PTPRG: variants seen among roughly 807,000 people sequenced by gnomAD.
PTPRG encodes protein tyrosine phosphatase receptor type G, also known as receptor-type tyrosine-protein phosphatase gamma.
A neutral mutation model predicts 165.3 loss-of-function variants in PTPRG; 102 were observed. That is an observed-to-expected ratio of 0.62 (90% confidence interval 0.53 to 0.73). The LOEUF is 0.73. Ranked by LOEUF, PTPRG falls within the 30% of genes least tolerant of loss-of-function variation. The probability of loss-of-function intolerance (pLI) is 0.00; values close to 1 mark genes in which losing one functional copy is unlikely to be tolerated. For missense variants in PTPRG, 1,866 were observed against 1,861.4 expected, an observed-to-expected ratio of 1.00 and a Z score of -0.05; for synonymous variants, 675 against 669.5, an observed-to-expected ratio of 1.01 and a Z score of -0.13.
chr3:62,212,503 T>G (rs977843390), intron 12 of PTPRG, among the ~76,000 whole-genome samples: 1 of 152,178 alleles, frequency 6.6e-6, no homozygotes, highest in African/African-American at 2.4e-5. Flanking sequence ...TAAACCATGA[T>G]TTTTACTTTC....
In PTPRG at chr3:61,661,223, C is replaced by T. The variant is rs544648777; in HGVS notation, c.86-87655C>T. On this transcript the variant is annotated intron_variant, in intron 1 of 29. Transcript: ENST00000474889. ...GAGTAGCTAGGACTACAAGTGCATGCCACTAGCCCAGGCTCCCCTCACTTA... is the reference window on the plus strand; with the variant it reads ...GAGTAGCTAGGACTACAAGTGCATGTCACTAGCCCAGGCTCCCCTCACTTA... Among the ~76,000 whole-genome samples, 8 of 152,182 alleles carry T rather than the reference C, an allele frequency of 5.3e-5. No individual in the cohort carries two copies. In the South Asian group the frequency reaches 1.7e-3, roughly 32 times the overall value.
At chr3:61,669,198 T>C (rs887247047) in intron 1 of PTPRG, among the ~76,000 whole-genome samples, 7 of 152,140 alleles carry the variant, frequency 4.6e-5, no homozygotes, top group African/African-American at 1.4e-4. Flanking sequence ...AAATAAAAAG[T>C]ATGAGCAGAA....
At chr3:62,169,309 A>G (rs905207885) in intron 8 of PTPRG, among the ~76,000 whole-genome samples, 2 of 152,158 alleles carry the variant, frequency 1.3e-5, no homozygotes, top group African/African-American at 2.4e-5. Flanking sequence ...ACACCCCAGT[A>G]TATAGCAGTC....
At chr3:62,082,380 C>A (rs530341801) in intron 5 of PTPRG, among the ~76,000 whole-genome samples, 1 of 152,290 alleles carries the variant, frequency 6.6e-6, no homozygotes, top group Admixed American at 6.5e-5. Flanking sequence ...GTCCAATGAA[C>A]CCTTACATTG....
intron 6 of PTPRG, among the ~76,000 whole-genome samples, chr3:62,137,601 G>T (rs1434948846): frequency 6.6e-6 from 1 of 152,110 alleles, no homozygotes; most frequent in Non-Finnish European, 1.5e-5. Context: ...GTTGTCATGG[G>T]TTCGCCAGGA....
intron 17 of PTPRG, among the ~76,000 whole-genome samples, chr3:62,264,736 A>C (rs1210948059): frequency 6.6e-6 from 1 of 152,160 alleles, no homozygotes; most frequent in African/African-American, 2.4e-5. Context: ...AGCTAGTATG[A>C]ATACCGCTAT....
intron 8 of PTPRG, among the ~76,000 whole-genome samples, chr3:62,177,864 A>G (rs755648142): frequency 2.0e-5 from 3 of 152,084 alleles, no homozygotes; most frequent in Non-Finnish European, 4.4e-5. Flanking sequence ...TACTTACCAA[A>G]GTTGAATTTT....
At chr3:61,964,614 C>A (rs1207920455) in intron 2 of PTPRG, among the ~76,000 whole-genome samples, 1 of 152,182 alleles carries the variant, frequency 6.6e-6, no homozygotes, top group South Asian at 2.1e-4. Context: ...TCTCCAGGCA[C>A]CTATAAAGCC....
chr3:62,056,911 C>T (rs758645828), intron 4 of PTPRG, among the ~76,000 whole-genome samples: 4 of 152,052 alleles, frequency 2.6e-5, no homozygotes, highest in African/African-American at 4.8e-5. Flanking sequence ...TTCATGGACA[C>T]GAGAAGGAGG....
At chr3:62,175,245 A>G (rs962839300) in intron 8 of PTPRG, among the ~76,000 whole-genome samples, 10 of 152,200 alleles carry the variant, frequency 6.6e-5, no homozygotes, top group Non-Finnish European at 1.0e-4. Context: ...ATTTCTTTTC[A>G]TATGTCAGAC....
At chr3:61,882,220 T>A (rs1354520298) in intron 2 of PTPRG, among the ~76,000 whole-genome samples, 7 of 152,238 alleles carry the variant, frequency 4.6e-5, no homozygotes, top group Middle Eastern at 3.2e-3. Flanking sequence ...AAATGGTGGG[T>A]CAGTCAACTG....
intron 3 of PTPRG, among the ~76,000 whole-genome samples, chr3:61,993,661 C>T (rs1575861412): frequency 6.6e-6 from 1 of 152,276 alleles, no homozygotes; most frequent in Middle Eastern, 3.4e-3. Context: ...ATTCATGTAT[C>T]ATAAGCCACA....
At chr3:61,652,956 A>G (rs1702398380) in intron 1 of PTPRG, among the ~76,000 whole-genome samples, 1 of 152,214 alleles carries the variant, frequency 6.6e-6, no homozygotes, top group South Asian at 2.1e-4. Context: ...TCAAAATGCT[A>G]TGGAGTGGAG....
At chr3:61,650,697 G>A (rs60088080) in intron 1 of PTPRG, among the ~76,000 whole-genome samples, 1 of 152,172 alleles carries the variant, frequency 6.6e-6, no homozygotes, top group African/African-American at 2.4e-5. Flanking sequence ...CTCATCAAAC[G>A]CACAGTCAAC....
At chr3:62,064,130 A>G (rs1700917059) in intron 4 of PTPRG, among the ~76,000 whole-genome samples, 1 of 125,064 alleles carries the variant, frequency 8.0e-6, no homozygotes, top group Admixed American at 7.5e-5. Flanking sequence ...TTCAAGGGAG[A>G]CTTTTTTTCC....
intron 1 of PTPRG, among the ~76,000 whole-genome samples, chr3:61,574,888 A>G (rs1421903924): frequency 6.6e-6 from 1 of 152,086 alleles, no homozygotes; most frequent in African/African-American, 2.4e-5. Flanking sequence ...GAACTAATCC[A>G]TTCCCACGAG....
chr3:62,183,477 T>C (rs1359046112), intron 8 of PTPRG, among the ~76,000 whole-genome samples: 2 of 151,424 alleles, frequency 1.3e-5, no homozygotes, highest in African/African-American at 4.9e-5. Flanking sequence ...GGCATGAGAA[T>C]TGCTTGAATC....
chr3:61,992,362 G>T (rs924130591), intron 3 of PTPRG, among the ~76,000 whole-genome samples: 1 of 151,886 alleles, frequency 6.6e-6, no homozygotes, highest in African/African-American at 2.4e-5. Flanking sequence ...TCCTTCATTT[G>T]GTAGGTCTTT....
chr3:62,239,356 CTTTCTTTT>C (rs1559693319), intron 14 of PTPRG, among the ~76,000 whole-genome samples: 1 of 138,868 alleles, frequency 7.2e-6, no homozygotes, highest in Non-Finnish European at 1.6e-5. Context: ...TTTCTTTTTT[CTTTCTTTT>C]TTTTTTTTTT....
Sources: gnomAD v4.1 joint callset for allele counts (sites outside exome capture counted in the v4.1 genomes callset) on GRCh38, gnomAD v4.1.1 for gene constraint, MANE v1.5 for transcripts, NCBI Gene and HGNC (gene_info 2026-07-23, HGNC 2026-07-21) for gene names.